The following LPP variants were observed in gnomAD, a reference collection of about 807,000 sequenced individuals.
LPP encodes LIM domain containing preferred translocation partner in lipoma, also known as lipoma-preferred partner.
A neutral mutation model predicts 60.4 loss-of-function variants in LPP; 38 were observed. The observed-to-expected ratio is 0.63, with a 90% confidence interval of 0.49 to 0.83. LPP has a LOEUF of 0.83. LPP is among the 40% of genes least tolerant of loss of function. LPP has a pLI of 0.00. For synonymous variants in LPP, 328 were observed against 290.8 expected, an observed-to-expected ratio of 1.13 and a Z score of -1.30; for missense variants, 902 against 783.6, an observed-to-expected ratio of 1.15 and a Z score of -1.80.
At position 188,313,377 on chromosome 3, in the gene LPP, C is replaced by A. The variant is rs540318614; in HGVS notation, c.-66-28286C>A. 3.9e-5 allele frequency among the ~76,000 whole-genome samples: 6 copies of A among 152,014 alleles called. No homozygotes were observed. The South Asian group carries it at 1.2e-3, about 31-fold the overall frequency. The stretch of plus-strand genomic sequence containing the variant: ...AGTTCTGGCTGGGCGTGGTGGCTCA[C>A]GCCTGTAATCCCAGCACTTCGGGTG... On this transcript the variant is annotated intron_variant, in intron 2 of 11. Transcript: ENST00000617246.
chr3:188,204,010 G>C (rs1428601109), intron 1 of LPP, among the ~76,000 whole-genome samples: 1 of 152,148 alleles, frequency 6.6e-6, no homozygotes, highest in Non-Finnish European at 1.5e-5. Flanking sequence ...GGATGTTTAT[G>C]CACTGGGAAT....
intron 7 of LPP, among the ~76,000 whole-genome samples, chr3:188,666,707 A>G (rs1040566344): frequency 6.6e-6 from 1 of 152,220 alleles, no homozygotes; most frequent in Non-Finnish European, 1.5e-5. Context: ...CTCGGTGCCA[A>G]TCACTTGTCC....
rs370520978 is a variant in LPP at position 188,429,435 on chromosome 3, T to C, written c.193+23122T>C. The stretch of plus-strand genomic sequence containing the variant: ...AGGACACGAGGCTTAATGGTAACAG[T>C]CCCTGATGCAGGTGGGTCCTCTTAG... On this transcript the variant is annotated intron_variant, in intron 4 of 11. Transcript: ENST00000617246. Among the ~76,000 whole-genome samples the C allele has an allele frequency of 7.9e-5, 12 of 152,308 alleles. No individual in the cohort carries two copies. In the South Asian group the frequency reaches 2.5e-3, roughly 32 times the overall value.
rs2152070614 is a variant in LPP, at chr3:188,876,972, G to C, written c.*2493G>C. 2 of 177,328 alleles carry C rather than the reference G, an allele frequency of 1.1e-5. No individual in the cohort carries two copies. The highest frequency in any genetic ancestry group is 2.0e-4 in the South Asian group (1 of 5,008). The allele number at this position is 177,328 out of a possible 1,614,324, so 11.0% of individuals were successfully genotyped here. A position where few individuals can be genotyped will look rare whatever the true frequency, so the allele number is the denominator to read the frequency against. ...ATAACCTCAGAGTATCTTTACCAAA[G>C]GTTTTTAAAGTAAATCTCTTTTTAA... On this transcript the variant is annotated 3_prime_UTR_variant, in exon 12 of 12. Coordinates refer to ENST00000617246, the MANE Select transcript of LPP (RefSeq NM_001375462.1).
At chr3:188,408,400 C>T (rs1029845418) in intron 4 of LPP, among the ~76,000 whole-genome samples, 4 of 152,128 alleles carry the variant, frequency 2.6e-5, no homozygotes, top group African/African-American at 9.7e-5. Flanking sequence ...ACATGCCCTC[C>T]TTGTACTATG....
intron 8 of LPP, among the ~76,000 whole-genome samples, chr3:188,745,031 C>G (rs1326863366): frequency 6.6e-6 from 1 of 151,968 alleles, no homozygotes; most frequent in Non-Finnish European, 1.5e-5. Context: ...TTCTCCCTAT[C>G]CTTCATTGAG....
In LPP at chr3:188,349,566, C is replaced by T. The variant is rs182694036; in HGVS notation, c.-10+7847C>T. 2.0e-5 allele frequency among the ~76,000 whole-genome samples: 3 copies of T among 152,348 alleles called. No homozygotes were observed. In the East Asian group the frequency reaches 5.8e-4, roughly 29 times the overall value. ...AGCGCTGTCTCATCAATCTTTCTGC[C>T]ATGCTTTCACTCAGACATTACTGGC... On this transcript the variant is annotated intron_variant, in intron 3 of 11. Transcript: ENST00000617246.
intron 1 of LPP, among the ~76,000 whole-genome samples, chr3:188,183,199 G>A (rs1368705013): frequency 1.3e-5 from 2 of 152,128 alleles, no homozygotes; most frequent in Non-Finnish European, 2.9e-5. Flanking sequence ...TTGGGCAGCT[G>A]GGAGTGTAGA....
In LPP at chr3:188,217,698, A is replaced by G. The variant is rs2149259924; in HGVS notation, c.-189-7707A>G. Among the ~76,000 whole-genome samples the G allele has an allele frequency of 1.3e-5, 2 of 152,262 alleles. No homozygotes were observed. The highest frequency in any genetic ancestry group is 1.3e-4 in the Admixed American group (2 of 15,292). The stretch of plus-strand genomic sequence containing the variant: ...AGAAATGCTGAGCTAAATGGGCAGG[A>G]ATCTGGGATACTCAGAGGGAAATGA... On this transcript the variant is annotated intron_variant, in intron 1 of 11. Coordinates refer to ENST00000617246, the MANE Select transcript of LPP (RefSeq NM_001375462.1). This position sits in a 1 kb window ranked among gnomAD's most constrained non-coding sequence, Gnocchi z 4.0.
chr3:188,427,921 G>T (rs999112503), intron 4 of LPP, among the ~76,000 whole-genome samples: 2 of 152,080 alleles, frequency 1.3e-5, no homozygotes, highest in Admixed American at 1.3e-4. Context: ...GGGAGTGAAC[G>T]GTTCTGTCTC....
intron 2 of LPP, 97 bp downstream of exon 2, chr3:188,225,624 G>C (rs1218243444): frequency 6.6e-6 from 1 of 152,116 alleles, no homozygotes; most frequent in Non-Finnish European, 1.5e-5. Flanking sequence ...TTAAAGTATG[G>C]GCATCAGTAA....
chr3:188,347,281 A>T (rs140405123), intron 3 of LPP, among the ~76,000 whole-genome samples: 4 of 152,314 alleles, frequency 2.6e-5, no homozygotes, highest in Admixed American at 2.6e-4. Flanking sequence ...AATGTGTACT[A>T]TGGGATTTTA....
chr3:188,199,483 G>C (rs962356156), intron 1 of LPP, among the ~76,000 whole-genome samples: 1 of 152,124 alleles, frequency 6.6e-6, no homozygotes, highest in Non-Finnish European at 1.5e-5. Context: ...CGGAGGTAGA[G>C]CCACAGGGTA....
intron 7 of LPP, among the ~76,000 whole-genome samples, chr3:188,683,907 AG>A (rs573269381): frequency 2.0e-4 from 30 of 152,242 alleles, no homozygotes; most frequent in Non-Finnish European, 4.3e-4. Context: ...ATCCCTTCAA[AG>A]ACCCTCCAAT....
At chr3:188,444,932 A>G (rs1325764500) in intron 4 of LPP, among the ~76,000 whole-genome samples, 1 of 152,234 alleles carries the variant, frequency 6.6e-6, no homozygotes, top group Admixed American at 6.5e-5. Context: ...CAAAACCACA[A>G]TGAGATACCA....
chr3:188,706,476 A>G (rs142222617), intron 7 of LPP, among the ~76,000 whole-genome samples: 25 of 152,302 alleles, frequency 1.6e-4, no homozygotes, highest in African/African-American at 5.5e-4. Flanking sequence ...GCGTGTCTGT[A>G]CTTCAAATGT....
rs893958285 is a variant in LPP at position 188,211,944 on chromosome 3, C to T, written c.-189-13461C>T. On this transcript the variant is annotated intron_variant, in intron 1 of 11. Coordinates refer to ENST00000617246, the MANE Select transcript of LPP (RefSeq NM_001375462.1). ...CACAGTCATGGCTCACTGCAACCTC[C>T]GCCTCCCGGGTTCAAGTGATACTCC... Among the ~76,000 whole-genome samples the T allele has an allele frequency of 3.9e-5, 6 of 152,214 alleles. No individual in the cohort carries two copies. The East Asian group carries it at 5.8e-4, about 15-fold the overall frequency.
chr3:188,878,645 G>T lies in LPP; in HGVS notation c.*4166G>T, dbSNP rs1356686918. The T allele has an allele frequency of 9.8e-6, 2 of 203,756 alleles. No homozygotes were observed. The highest frequency in any genetic ancestry group is 2.0e-5 in the Non-Finnish European group (2 of 99,618). The allele number at this position is 203,756 out of a possible 1,614,324, so 12.6% of individuals were successfully genotyped here. A position where few individuals can be genotyped will look rare whatever the true frequency, so the allele number is the denominator to read the frequency against. The stretch of plus-strand genomic sequence containing the variant: ...GACAATCAGAGAACAACATATACTT[G>T]TGCCTTATTTTCAAAGAATCTATTT... On this transcript the variant is annotated 3_prime_UTR_variant, in exon 12 of 12. Transcript: ENST00000617246.
At chr3:188,225,966 G>A (rs1717585110) in intron 2 of LPP, among the ~76,000 whole-genome samples, 1 of 152,182 alleles carries the variant, frequency 6.6e-6, no homozygotes, top group African/African-American at 2.4e-5. Flanking sequence ...TCTCTTGTTT[G>A]CCCTTGTGCA....
Sources: allele counts gnomAD v4.1 joint callset (sites outside exome capture counted in the v4.1 genomes callset), GRCh38; gene constraint gnomAD v4.1.1; non-coding constraint Gnocchi (gnomAD v3.1); transcripts MANE v1.5; gene names NCBI Gene and HGNC (gene_info 2026-07-23, HGNC 2026-07-21).